The following USP34 variants were observed in gnomAD, a reference collection of about 807,000 sequenced individuals.
USP34 encodes ubiquitin specific peptidase 34.
A neutral mutation model predicts 460.3 loss-of-function variants in USP34; 70 were observed. The ratio of observed to expected loss-of-function variants is 0.15; its 90% CI spans 0.13 to 0.19. The LOEUF (loss-of-function observed/expected upper bound fraction) is 0.19, where lower values mean the gene tolerates loss of function less well. USP34 is among the 10% of genes least tolerant of loss of function. USP34 has a pLI of 1.00. For missense variants in USP34, 3,985 were observed against 4,236.2 expected (o/e 0.94, Z 1.65); for synonymous variants, 1,647 against 1,405.3 (o/e 1.17, Z -3.85).
At chr2:61,223,574 T>TG in intron 62 of USP34, 1 of 119,202 alleles carries the variant, frequency 8.4e-6, no homozygotes, top group Non-Finnish European at 1.8e-5. Flanking sequence ...TTTTACTTAC[T>TG]TTTTTTTTTT....
intron 10 of USP34, among the ~76,000 whole-genome samples, chr2:61,356,475 G>GCGCGCGCACACACA (rs369666693): frequency 7.8e-6 from 1 of 128,332 alleles, no homozygotes; most frequent in African/African-American, 2.7e-5. Flanking sequence ...GGGTGAAAGC[G>GCGCGCGCACACACA]CACACACACA....
At chr2:61,278,678 T>C (rs1015155228) in intron 39 of USP34, among the ~76,000 whole-genome samples, 4 of 151,980 alleles carry the variant, frequency 2.6e-5, no homozygotes, top group African/African-American at 9.7e-5. Flanking sequence ...GATAATAAAA[T>C]AAGTCAATGA....
At chr2:61,432,133 G>GT (rs1247488395) in intron 1 of USP34, among the ~76,000 whole-genome samples, 1 of 151,428 alleles carries the variant, frequency 6.6e-6, no homozygotes, top group Non-Finnish European at 1.5e-5. Context: ...GGGCCCAGGT[G>GT]TTTGAGACCA....
chr2:61,337,676 T>A (rs1027181586), intron 18 of USP34, among the ~76,000 whole-genome samples: 8 of 152,174 alleles, frequency 5.3e-5, no homozygotes, highest in Non-Finnish European at 1.2e-4. Context: ...CATGCTGGTC[T>A]CAGTCCTGGA....
chr2:61,321,870 T>C (rs1490121463), intron 21 of USP34, among the ~76,000 whole-genome samples: 4 of 152,170 alleles, frequency 2.6e-5, no homozygotes, highest in Admixed American at 2.0e-4. Flanking sequence ...ATAGAGTGTA[T>C]ACCATGTTCA....
At chr2:61,238,681 A>T in intron 53 of USP34, among the ~76,000 whole-genome samples, 1 of 152,204 alleles carries the variant, frequency 6.6e-6, no homozygotes, top group East Asian at 1.9e-4. Context: ...AATTTTAAGA[A>T]AACATGTAGG....
At chr2:61,450,081 A>G (rs1372104667) in intron 1 of USP34, among the ~76,000 whole-genome samples, 1 of 125,812 alleles carries the variant, frequency 7.9e-6, no homozygotes, top group Non-Finnish European at 1.7e-5. Flanking sequence ...ATAAAAATAA[A>G]AATACAAAAA....
rs143137074 is a variant in USP34, at chr2:61,189,023, T to C, written c.9920A>G (p.Gln3307Arg). The C allele has an allele frequency of 1.2e-6, 2 of 1,614,218 alleles. No individual in the cohort carries two copies. The highest frequency in any genetic ancestry group is 1.3e-5 in the African/African-American group (1 of 75,046). The change falls in exon 79 of 80, where the codon CAG becomes CGG. Residue 3307 changes from glutamine to arginine, a missense_variant. Physicochemically the swap from Gln to Arg is conservative, Grantham distance 43 (BLOSUM62 1). Around this residue, in one of 14 missense-constraint regions of USP34, gnomAD observed 506 missense variants for 439.0 expected, o/e 1.15. Transcript: ENST00000398571. ...AGTTGGAATTAGAGCTGGGTTTAACTGTTTGGGAGTGTGTACTGACAGGAG... is the reference window on the plus strand; with the variant it reads ...AGTTGGAATTAGAGCTGGGTTTAACCGTTTGGGAGTGTGTACTGACAGGAG... ...ALLLSVHTPK[Q>R]LNPALIPTLQ...
At chr2:61,387,598 TAC>T (rs763495280) in intron 5 of USP34, among the ~76,000 whole-genome samples, 18 of 146,704 alleles carry the variant, frequency 1.2e-4, no homozygotes, top group South Asian at 6.3e-4. Context: ...TATTTATATA[TAC>T]ACACATATAT....
At chr2:61,266,590 G>A (rs1342534517) in intron 41 of USP34, among the ~76,000 whole-genome samples, 1 of 152,150 alleles carries the variant, frequency 6.6e-6, no homozygotes, top group Admixed American at 6.6e-5. Context: ...TTGAAAGGTA[G>A]TACTGTTGTA....
chr2:61,349,830 G>C (rs561657496), intron 12 of USP34, among the ~76,000 whole-genome samples: 1 of 147,792 alleles, frequency 6.8e-6, no homozygotes, highest in African/African-American at 2.5e-5. Flanking sequence ...GACAGACCGA[G>C]GCTCCGTCTC....
At chr2:61,265,261 G>T (rs368586221) in intron 43 of USP34, 136 bp downstream of exon 43, 82 of 884,542 alleles carry the variant, frequency 9.3e-5, no homozygotes, top group African/African-American at 6.3e-4. Flanking sequence ...ATACACATTA[G>T]CTAGTTACTG....
intron 16 of USP34, among the ~76,000 whole-genome samples, chr2:61,343,195 A>C (rs1231089587): frequency 6.6e-6 from 1 of 152,184 alleles, no homozygotes; most frequent in African/African-American, 2.4e-5. Flanking sequence ...TAAGGCCTTT[A>C]AACTGCCAAT....
intron 53 of USP34, among the ~76,000 whole-genome samples, chr2:61,238,420 G>C (rs185195059): frequency 9.9e-4 from 150 of 152,238 alleles, no homozygotes; most frequent in Non-Finnish European, 1.6e-3. Flanking sequence ...ACTTCCTGAA[G>C]CATTTCCTGA....
intron 2 of USP34, among the ~76,000 whole-genome samples, chr2:61,416,656 T>TA (rs1474253027): frequency 1.3e-5 from 2 of 152,218 alleles, no homozygotes; most frequent in African/African-American, 4.8e-5. Flanking sequence ...CAGATCCGTA[T>TA]ATTCCCTTTC....
rs746832511 is a variant in USP34, at chr2:61,331,363, T to C, written c.2843A>G (p.Glu948Gly). The C allele has an allele frequency of 1.2e-6, 2 of 1,610,956 alleles. No individual in the cohort carries two copies. The highest frequency in any genetic ancestry group is 1.7e-6 in the Non-Finnish European group (2 of 1,178,598). Residue 948 changes from glutamate (E) to glycine (G), a missense_variant, in exon 20 of 80, where the codon GAA (glutamate) becomes GGA (glycine). By Grantham distance (98) the Glu-to-Gly change is moderately conservative. This residue lies in a region of USP34 where 1,114 missense variants were observed against 1,122.5 expected (regional missense o/e 0.99). Coordinates refer to ENST00000398571, the MANE Select transcript of USP34 (RefSeq NM_014709.4). ...AAGCTTCATCATGTTCAGTTCTTTT[T>C]CTGCCCACCTGGCCCAAATAAAAGA... ...YDTHWITMWA[E>G]KELNMMKLFF...
chr2:61,463,334 A>G (rs1290624702), intron 1 of USP34, among the ~76,000 whole-genome samples: 1 of 152,126 alleles, frequency 6.6e-6, no homozygotes, highest in African/African-American at 2.4e-5. Context: ...AAAATAATCA[A>G]AAATCAAAAA....
chr2:61,308,465 AG>A (rs1307753421), intron 27 of USP34, among the ~76,000 whole-genome samples: 2 of 152,158 alleles, frequency 1.3e-5, no homozygotes, highest in African/African-American at 2.4e-5. Flanking sequence ...AAAGAAACAT[AG>A]AAAAGATAAA....
At chr2:61,262,309 T>A (rs1435977620) in intron 43 of USP34, among the ~76,000 whole-genome samples, 5 of 151,774 alleles carry the variant, frequency 3.3e-5, no homozygotes, top group African/African-American at 9.7e-5. Context: ...ATAGTACCAA[T>A]AGGTAGTTTT....
Sources: gnomAD v4.1 joint callset for allele counts (sites outside exome capture counted in the v4.1 genomes callset) on GRCh38, gnomAD v4.1.1 for gene constraint, gnomAD v4.1.1 regional missense constraint, MANE v1.5 for transcripts, NCBI Gene and HGNC (gene_info 2026-07-23, HGNC 2026-07-21) for gene names.